The following GRIK5 variants were observed in gnomAD, a reference collection of about 807,000 sequenced individuals.
The protein encoded by GRIK5 is glutamate ionotropic receptor kainate type subunit 5.
Under a neutral mutation model 97.4 loss-of-function variants are expected in GRIK5, and 43 were observed. The observed-to-expected ratio is 0.44, with a 90% confidence interval of 0.35 to 0.57. The LOEUF is 0.57. GRIK5 is among the 20% of genes least tolerant of loss of function. GRIK5 has a pLI of 0.01. For synonymous variants in GRIK5, 580 were observed against 583.5 expected (o/e 0.99, Z 0.09); for missense variants, 1,015 against 1,382.0 (o/e 0.73, Z 4.21).
intron 8 of GRIK5, among the ~76,000 whole-genome samples, chr19:42,055,946 G>A (rs1040527003): frequency 2.4e-4 from 36 of 151,196 alleles, no homozygotes; most frequent in African/African-American, 7.3e-4. Flanking sequence ...GCCTCCCAAA[G>A]TGCTGGGATT....
At chr19:42,052,639 G>A (rs1313179946) in intron 11 of GRIK5, among the ~76,000 whole-genome samples, 2 of 152,254 alleles carry the variant, frequency 1.3e-5, no homozygotes, top group Non-Finnish European at 2.9e-5. Flanking sequence ...GAGTTACTGA[G>A]CGGCTCCCTC....
chr19:42,021,167 A>G lies in GRIK5; in HGVS notation c.1871+134T>C. The G allele has an allele frequency of 1.4e-6, 1 of 735,588 alleles. No homozygotes were observed. Among genetic ancestry groups the G allele is most frequent in the East Asian group, 2.9e-5 (1 of 34,858 alleles). The allele number at this position is 735,588 out of a possible 1,614,324, so 45.6% of individuals were successfully genotyped here. Reference sequence around the variant, plus strand: ...GCTGGAGCTCAGCTCTCCCCACCCCATTCCTCGTCACACAGCTCTGCAAGG... The same window carrying G: ...GCTGGAGCTCAGCTCTCCCCACCCCGTTCCTCGTCACACAGCTCTGCAAGG... On this transcript the variant is annotated intron_variant, in intron 15 of 19. Coordinates refer to ENST00000593562, the MANE Select transcript of GRIK5 (RefSeq NM_002088.5). The surrounding 1 kb of genome is among the most constrained non-coding windows in gnomAD (Gnocchi z 4.2).
intron 12 of GRIK5, among the ~76,000 whole-genome samples, chr19:42,041,166 T>A (rs1386039891): frequency 6.6e-6 from 1 of 152,326 alleles, no homozygotes; most frequent in East Asian, 1.9e-4. Context: ...GGCCCTCTCA[T>A]GTCTTCCCTC....
In GRIK5 at chr19:42,005,864, C is replaced by A; in HGVS notation, c.2122G>T (p.Gly708Cys). 1 of 1,611,818 alleles carries A rather than the reference C, an allele frequency of 6.2e-7. No individual in the cohort carries two copies. The highest frequency in any genetic ancestry group is 8.5e-7 in the Non-Finnish European group (1 of 1,178,048). Residue 708 changes from glycine (G) to cysteine (C), a missense_variant, in exon 17 of 20, where the codon GGC becomes TGC. Around this residue, in one of 5 missense-constraint regions of GRIK5, gnomAD observed 229 missense variants for 341.0 expected, o/e 0.67. Coordinates refer to ENST00000593562, the MANE Select transcript of GRIK5 (RefSeq NM_002088.5). ...PSVFVKSTEE[G>C]IARVLNSRYA... Reference sequence around the variant, plus strand: ...CGGGAGTTGAGGACGCGGGCAATGCCCTCTTCTGTGCTCTTGACGAACACG... The same window carrying A: ...CGGGAGTTGAGGACGCGGGCAATGCACTCTTCTGTGCTCTTGACGAACACG...
intron 12 of GRIK5, among the ~76,000 whole-genome samples, chr19:42,025,953 T>C (rs1391067496): frequency 6.6e-6 from 1 of 152,164 alleles, no homozygotes; most frequent in Non-Finnish European, 1.5e-5. Context: ...CTACTAAAAC[T>C]AAAAATAAAT....
intron 6 of GRIK5, among the ~76,000 whole-genome samples, chr19:42,057,451 A>C (rs2146157445): frequency 6.6e-6 from 1 of 152,120 alleles, no homozygotes; most frequent in East Asian, 1.9e-4. Context: ...AGCTCACTGA[A>C]GCCTTGACCT....
At position 42,065,315 on chromosome 19, in the gene GRIK5, A is replaced by C. The variant is rs780481622; in HGVS notation, c.152T>G (p.Ile51Ser). Residue 51 changes from isoleucine to serine, a missense_variant, in exon 3 of 20, where the codon ATC becomes AGC. Ile to Ser is a moderately radical substitution (Grantham distance 142). This residue lies in a region of GRIK5 where 198 missense variants were observed against 218.2 expected (regional missense o/e 0.91). Coordinates refer to ENST00000593562, the MANE Select transcript of GRIK5 (RefSeq NM_002088.5). This position sits in a 1 kb window ranked among gnomAD's most constrained non-coding sequence, Gnocchi z 5.8. ...GGCTGGGACCTCGATGATCCCGTTG[A>C]TCTGCTCCCGGGCCAAGGCCAAGGC... is the stretch of plus-strand genomic sequence containing the variant. Reference protein sequence around the residue: ...RLALALAREQINGIIEVPAKA... With the variant: ...RLALALAREQSNGIIEVPAKA... 2.5e-6 allele frequency: 4 copies of C among 1,612,694 alleles called. No homozygotes were observed. The highest frequency in any genetic ancestry group is 2.5e-6 in the Non-Finnish European group (3 of 1,179,768).
Position 42,065,141 on chromosome 19 carries a change from G to T in GRIK5, c.244+82C>A. On this transcript the variant is annotated intron_variant, in intron 3 of 19. Transcript: ENST00000593562. The surrounding 1 kb of genome is among the most constrained non-coding windows in gnomAD (Gnocchi z 5.8). ...ATGGAGCTAGAAGAGGACAAGGCCA[G>T]GCCAGAGGCCAGGGGCAGAGGGATG... 1 of 1,268,250 alleles carries T rather than the reference G, an allele frequency of 7.9e-7. No homozygotes were observed. The highest frequency in any genetic ancestry group is 1.1e-6 in the Non-Finnish European group (1 of 905,094). 78.6% of individuals were successfully genotyped at this position (1,268,250 alleles called of 1,614,324 possible). A position where few individuals can be genotyped will look rare whatever the true frequency, so the allele number is the denominator to read the frequency against.
chr19:42,058,933 C>G (rs1385512362), intron 6 of GRIK5, among the ~76,000 whole-genome samples: 2 of 152,148 alleles, frequency 1.3e-5, no homozygotes, highest in Non-Finnish European at 2.9e-5. Flanking sequence ...GTAGCCAGAT[C>G]TGACTCGGGG....
At chr19:42,032,348 G>C (rs548378926) in intron 12 of GRIK5, among the ~76,000 whole-genome samples, 76 of 152,340 alleles carry the variant, frequency 5.0e-4, no homozygotes, top group Admixed American at 2.5e-3. Flanking sequence ...GTTGGCAAGA[G>C]TATGGGAAAT....
At position 42,003,936 on chromosome 19, in the gene GRIK5, C is replaced by A. The variant is rs1335385176; in HGVS notation, c.2264-253G>T. Among the ~76,000 whole-genome samples the A allele has an allele frequency of 1.3e-5, 2 of 152,180 alleles. No homozygotes were observed. Among genetic ancestry groups the A allele is most frequent in the African/African-American group, 4.8e-5 (2 of 41,428 alleles). On this transcript the variant is annotated intron_variant, in intron 17 of 19. Transcript: ENST00000593562. The surrounding 1 kb of genome is among the most constrained non-coding windows in gnomAD (Gnocchi z 4.2). ...CATGGCTTCCTGTTGCAAGCTCCTC[C>A]CCTCGGCCACTCTCAGACACCCTCA...
chr19:42,003,416 C>A lies in GRIK5; in HGVS notation c.2430G>T (p.Val810=). 6.2e-7 allele frequency: 1 copy of A among 1,613,788 alleles called. No individual in the cohort carries two copies. The highest frequency in any genetic ancestry group is 8.5e-7 in the Non-Finnish European group (1 of 1,179,822). ...GMENIGGIFI[V]LICGLIIAVF... is the part of the protein sequence containing the mutation. ...CAGCAATGATGAGGCCACAGATGAG[C>A]ACGATAAAAATGCCACCAATGTTCT... Residue 810 remains valine (V), a synonymous_variant, in exon 19 of 20, where the codon GTG becomes GTT. Transcript: ENST00000593562. The surrounding 1 kb of genome is among the most constrained non-coding windows in gnomAD (Gnocchi z 4.2).
intron 12 of GRIK5, among the ~76,000 whole-genome samples, chr19:42,037,709 G>A (rs2075925303): frequency 6.6e-6 from 1 of 152,146 alleles, no homozygotes. Flanking sequence ...GGGTGTAGGT[G>A]GCTGATGGCT....
chr19:42,007,441 T>A (rs970662772), intron 15 of GRIK5, among the ~76,000 whole-genome samples: 22 of 152,194 alleles, frequency 1.4e-4, no homozygotes, highest in African/African-American at 5.1e-4. Flanking sequence ...AGAACTGTGA[T>A]CCCTGAGAAG....
intron 19 of GRIK5, among the ~76,000 whole-genome samples, chr19:42,000,645 C>G (rs999876105): frequency 6.6e-6 from 1 of 152,166 alleles, no homozygotes; most frequent in Non-Finnish European, 1.5e-5. Context: ...AGGCAGGCAG[C>G]CTTCAAGATC....
intron 11 of GRIK5, among the ~76,000 whole-genome samples, chr19:42,044,296 G>A (rs540796311): frequency 6.6e-5 from 10 of 152,288 alleles, no homozygotes; most frequent in African/African-American, 1.9e-4. Context: ...ACAGCAGTAT[G>A]AAAATGAACT....
intron 12 of GRIK5, among the ~76,000 whole-genome samples, chr19:42,035,048 G>A (rs913310252): frequency 3.9e-5 from 6 of 152,028 alleles, no homozygotes; most frequent in Admixed American, 1.3e-4. Context: ...GCACCATCTC[G>A]GCTCACCACA....
intron 15 of GRIK5, among the ~76,000 whole-genome samples, chr19:42,018,596 T>C (rs1177617140): frequency 1.5e-5 from 2 of 136,188 alleles, no homozygotes; most frequent in Non-Finnish European, 3.0e-5. Flanking sequence ...GAGGTGGAGA[T>C]TGCAGTGAGC....
intron 15 of GRIK5, among the ~76,000 whole-genome samples, chr19:42,012,103 C>CCAG (rs2146029598): frequency 6.6e-6 from 1 of 152,310 alleles, no homozygotes; most frequent in Admixed American, 6.5e-5. Context: ...TTGGTTTGAA[C>CCAG]CAGCGGCTGG....
Sources: allele counts gnomAD v4.1 joint callset (sites outside exome capture counted in the v4.1 genomes callset), GRCh38; gene constraint gnomAD v4.1.1; regional missense constraint gnomAD v4.1.1; non-coding constraint Gnocchi (gnomAD v3.1); transcripts MANE v1.5; gene names NCBI Gene and HGNC (gene_info 2026-07-23, HGNC 2026-07-21).